The following IL3RA variants were observed in gnomAD, a reference collection of about 807,000 sequenced individuals.
The protein encoded by IL3RA is interleukin-3 receptor subunit alpha.
A neutral mutation model predicts 52.3 loss-of-function variants in IL3RA; 73 were observed. The ratio of observed to expected loss-of-function variants is 1.40; its 90% CI spans 1.16 to 1.70. IL3RA has a LOEUF of 1.70. IL3RA is among the 40% of genes most tolerant of loss of function. The pLI, the probability that IL3RA is intolerant of heterozygous loss-of-function variation, is 0.00. For missense variants in IL3RA, 664 were observed against 504.4 expected (o/e 1.32, Z -3.03); for synonymous variants, 260 against 194.0 (o/e 1.34, Z -2.83).
intron 4 of IL3RA, among the ~76,000 whole-genome samples, chrX:1,349,457 G>A (rs182188043): frequency 1.3e-5 from 2 of 151,880 alleles, no homozygotes; most frequent in South Asian, 4.2e-4. Flanking sequence ...TGGGAGTACA[G>A]GGGTGAGCCA....
intron 3 of IL3RA, among the ~76,000 whole-genome samples, chrX:1,347,656 GAAA>G (rs1231524214): frequency 6.6e-6 from 1 of 151,132 alleles, no homozygotes; most frequent in Non-Finnish European, 1.5e-5. Flanking sequence ...AAACAAACAA[GAAA>G]AAAACAAAGC....
At chrX:1,345,082 T>A (rs1488578381) in intron 2 of IL3RA, among the ~76,000 whole-genome samples, 1 of 149,860 alleles carries the variant, frequency 6.7e-6, no homozygotes, top group South Asian at 2.1e-4. Context: ...GGCAGGAGAG[T>A]TGCTTGAACC....
At chrX:1,344,046 G>A (rs1308198903) in intron 2 of IL3RA, among the ~76,000 whole-genome samples, 2 of 151,926 alleles carry the variant, frequency 1.3e-5, no homozygotes, top group Non-Finnish European at 2.9e-5. Flanking sequence ...CGCCCACCTT[G>A]GCCTCCCAAA....
At position 1,381,096 on chromosome X, in the gene IL3RA, G is replaced by A. The variant is rs200916284; in HGVS notation, c.1054G>A (p.Asp352Asn). 4.6e-5 allele frequency: 74 copies of A among 1,613,664 alleles called. No individual in the cohort carries two copies. The highest frequency in any genetic ancestry group is 5.6e-5 in the Non-Finnish European group (66 of 1,179,756). Residue 352 changes from aspartate (D) to asparagine (N), a missense_variant, in exon 11 of 12, where the codon GAC becomes AAC. Coordinates refer to ENST00000331035, the MANE Select transcript of IL3RA (RefSeq NM_002183.4). ...CCCCATCGGTGACAGCTTCCAAAAC[G>A]ACAAGCTGGTATGTTGTTTTTTCTG... ...KDPIGDSFQN[D>N]KLVVWEAGKA...
At chrX:1,348,016 G>A (rs1244712327) in intron 3 of IL3RA, among the ~76,000 whole-genome samples, 21 of 126,556 alleles carry the variant, frequency 1.7e-4, no homozygotes, top group South Asian at 2.5e-4. Flanking sequence ...CAGCCTGGGC[G>A]ACAGAGCGAG....
At chrX:1,357,544 A>G (rs2086831348) in intron 7 of IL3RA, among the ~76,000 whole-genome samples, 1 of 150,066 alleles carries the variant, frequency 6.7e-6, no homozygotes, top group Non-Finnish European at 1.5e-5. Flanking sequence ...TTGTATTTTT[A>G]GTAGAGATGG....
intron 9 of IL3RA, among the ~76,000 whole-genome samples, chrX:1,368,722 C>T (rs1414165598): frequency 2.7e-5 from 4 of 150,466 alleles, no homozygotes; most frequent in Middle Eastern, 3.2e-3. Context: ...AGGGAGAAGA[C>T]GGCGTCTCCA....
At chrX:1,367,566 C>G (rs1425072455) in intron 9 of IL3RA, among the ~76,000 whole-genome samples, 9 of 49,640 alleles carry the variant, frequency 1.8e-4, no homozygotes, top group African/African-American at 5.1e-4. Context: ...CGGGGTGCGC[C>G]GGGTGCGCGG....
chrX:1,358,329 GC>G (rs1357406380), intron 7 of IL3RA, among the ~76,000 whole-genome samples: 1 of 151,920 alleles, frequency 6.6e-6, no homozygotes, highest in African/African-American at 2.4e-5. Context: ...GCCTCACAAA[GC>G]CCCCTCCCAC....
At chrX:1,381,248 A>C in intron 11 of IL3RA, 144 bp downstream of exon 11, 2 of 740,104 alleles carry the variant, frequency 2.7e-6, no homozygotes, top group Non-Finnish European at 4.8e-6. Context: ...AAAATACAAA[A>C]TTAGCCGGGT....
In IL3RA at chrX:1,341,713, T is replaced by TC; in HGVS notation, c.-38-14dup. On this transcript the variant is annotated splice_polypyrimidine_tract_variant and intron_variant, in intron 1 of 11. Coordinates refer to ENST00000331035, the MANE Select transcript of IL3RA (RefSeq NM_002183.4). ...ACAGCCAGTCCCCGCTGCCTGACTC[T>TC]CGTTTCTCCTGCAGCAGGCACCTCT... 6.2e-7 allele frequency: 1 copy of TC among 1,607,316 alleles called. No homozygotes were observed. Among genetic ancestry groups the TC allele is most frequent in the Non-Finnish European group, 8.5e-7 (1 of 1,174,814 alleles).
At chrX:1,363,558 G>T (rs143941079) in intron 8 of IL3RA, among the ~76,000 whole-genome samples, 2 of 150,644 alleles carry the variant, frequency 1.3e-5, no homozygotes, top group Admixed American at 1.3e-4. Flanking sequence ...AAAGTGCTGG[G>T]ATTACAGGCG....
chrX:1,341,907 C>CAGGA, intron 2 of IL3RA, 78 bp downstream of exon 2: 1 of 1,473,430 alleles, frequency 6.8e-7, no homozygotes, highest in East Asian at 2.3e-5. Flanking sequence ...AGCGTGCCGT[C>CAGGA]CTTCAGGGAA....
chrX:1,347,186 C>T (rs1443011451), intron 3 of IL3RA, among the ~76,000 whole-genome samples: 2 of 151,338 alleles, frequency 1.3e-5, no homozygotes, highest in African/African-American at 2.5e-5. Context: ...GTGGCTCACG[C>T]CTGTCATCCC....
intron 8 of IL3RA, among the ~76,000 whole-genome samples, chrX:1,364,009 T>C (rs1229261959): frequency 4.0e-5 from 6 of 148,794 alleles, no homozygotes; most frequent in East Asian, 4.1e-4. Context: ...GGTGAAACCC[T>C]GTCTCTACTA....
At chrX:1,344,549 C>G (rs1482044245) in intron 2 of IL3RA, among the ~76,000 whole-genome samples, 3 of 150,398 alleles carry the variant, frequency 2.0e-5, no homozygotes, top group South Asian at 2.1e-4. Context: ...CCGAGGCGGA[C>G]AGATCACGAG....
intron 6 of IL3RA, among the ~76,000 whole-genome samples, chrX:1,355,143 G>A (rs1603444922): frequency 1.9e-5 from 1 of 52,884 alleles, no homozygotes; most frequent in African/African-American, 8.5e-5. Context: ...GAATGGGCAG[G>A]GAGGAGGAGA....
chrX:1,348,700 CTTTCTG>C (rs1476632327), intron 4 of IL3RA, among the ~76,000 whole-genome samples, 155 bp downstream of exon 4: 6,908 of 98,080 alleles, frequency 0.07, 364 homozygotes, highest in Middle Eastern at 0.11. Flanking sequence ...CTTTTTCTTT[CTTTCTG>C]TTTCTGTTTC....
rs759603453 is a variant in IL3RA at position 1,348,487 on chromosome X, C to G, written c.240C>G (p.Asn80Lys). Residue 80 changes from asparagine to lysine, a missense_variant, in exon 4 of 12, where the codon AAC (asparagine) becomes AAG (lysine). By Grantham distance (94) the Asn-to-Lys change is moderately conservative. Coordinates refer to ENST00000331035, the MANE Select transcript of IL3RA (RefSeq NM_002183.4). ...CAATTTCCTTATGTGAAGTGACCAACTACACCGTCCGAGTGGCCAACCCAC... is the reference window on the plus strand; with the variant it reads ...CAATTTCCTTATGTGAAGTGACCAAGTACACCGTCCGAGTGGCCAACCCAC... Reference protein sequence around the residue: ...FGAISLCEVTNYTVRVANPPF... With the variant: ...FGAISLCEVTKYTVRVANPPF... 21 of 1,613,804 alleles carry G rather than the reference C, an allele frequency of 1.3e-5. No individual in the cohort carries two copies. The South Asian group carries it at 1.6e-4, about 13-fold the overall frequency.
Sources: gnomAD v4.1 joint callset for allele counts (sites outside exome capture counted in the v4.1 genomes callset) on GRCh38, gnomAD v4.1.1 for gene constraint, MANE v1.5 for transcripts, NCBI Gene and HGNC (gene_info 2026-07-23, HGNC 2026-07-21) for gene names.